FRMD4B: variants seen among roughly 807,000 people sequenced by gnomAD.
The protein encoded by FRMD4B is FERM domain-containing protein 4B.
Under a neutral mutation model 141.5 loss-of-function variants are expected in FRMD4B, and 74 were observed. The observed-to-expected ratio is 0.52, with a 90% confidence interval of 0.43 to 0.63. FRMD4B has a LOEUF of 0.63. Ranked by LOEUF, FRMD4B falls within the 30% of genes least tolerant of loss-of-function variation. The probability of loss-of-function intolerance (pLI) is 0.00; values close to 1 mark genes in which losing one functional copy is unlikely to be tolerated. For synonymous variants in FRMD4B, 506 were observed against 467.9 expected (o/e 1.08, Z -1.05); for missense variants, 1,366 against 1,253.4 (o/e 1.09, Z -1.36).
At chr3:69,242,078 T>G (rs2093388761) in intron 7 of FRMD4B, among the ~76,000 whole-genome samples, 1 of 152,130 alleles carries the variant, frequency 6.6e-6, no homozygotes, top group Non-Finnish European at 1.5e-5. Context: ...AGGGTTGCTG[T>G]GAGGATTAAA....
chr3:69,449,887 G>A (rs534945854), intron 1 of FRMD4B, among the ~76,000 whole-genome samples: 5 of 152,226 alleles, frequency 3.3e-5, no homozygotes, highest in African/African-American at 1.2e-4. Flanking sequence ...TTTTAGTAGG[G>A]CACTATGATA....
intron 1 of FRMD4B, among the ~76,000 whole-genome samples, chr3:69,360,787 T>C (rs550047602): frequency 7.2e-5 from 11 of 152,220 alleles, no homozygotes; most frequent in Non-Finnish European, 1.6e-4. Flanking sequence ...TACTATCTCA[T>C]AGGTCGCCAC....
At chr3:69,242,046 G>C (rs1327613016) in intron 7 of FRMD4B, among the ~76,000 whole-genome samples, 1 of 152,076 alleles carries the variant, frequency 6.6e-6, no homozygotes, top group East Asian at 1.9e-4. Flanking sequence ...CTATAACATG[G>C]GGACAATGAC....
At chr3:69,415,904 G>C (rs1048305352) in intron 2 of FRMD4B, among the ~76,000 whole-genome samples, 1 of 152,158 alleles carries the variant, frequency 6.6e-6, no homozygotes, top group African/African-American at 2.4e-5. Context: ...TTAAGGACCA[G>C]ATAAAAGACA....
chr3:69,510,948 T>A (rs553255115), intron 1 of FRMD4B, among the ~76,000 whole-genome samples: 1 of 152,296 alleles, frequency 6.6e-6, no homozygotes, highest in South Asian at 2.1e-4. Flanking sequence ...ATCTAACCAT[T>A]TTTTCCTTGC....
chr3:69,391,810 C>T (rs1428350908), intron 2 of FRMD4B, among the ~76,000 whole-genome samples: 1 of 152,136 alleles, frequency 6.6e-6, no homozygotes, highest in Non-Finnish European at 1.5e-5. Flanking sequence ...CAGGAGTATC[C>T]CATGCACTGG....
At position 69,400,918 on chromosome 3, in the gene FRMD4B, G is replaced by A. The variant is rs148328526; in HGVS notation, c.-1+31716C>T. The stretch of plus-strand genomic sequence containing the variant: ...TGCCTTGTGGATTTGTTCCCTGTTC[G>A]TATTTCTAAAATAGAATACTTAAGT... On this transcript the variant is annotated intron_variant, in intron 2 of 5. Transcript: ENST00000459638. 1.5e-3 allele frequency among the ~76,000 whole-genome samples: 235 copies of A among 152,222 alleles called. 2 individuals carry two copies. In the East Asian group the frequency reaches 0.03, roughly 20 times the overall value.
intron 11 of FRMD4B, among the ~76,000 whole-genome samples, chr3:69,212,526 A>C (rs1045471668): frequency 5.3e-5 from 8 of 152,128 alleles, no homozygotes; most frequent in Non-Finnish European, 5.9e-5. Flanking sequence ...ACCCTTTTCT[A>C]GACTCTGGAA....
intron 2 of FRMD4B, among the ~76,000 whole-genome samples, chr3:69,406,740 T>A (rs1489504091): frequency 6.8e-6 from 1 of 146,282 alleles, no homozygotes; most frequent in South Asian, 2.2e-4. Context: ...TTTGTTTTTG[T>A]TTTTTTTTTA....
intron 1 of FRMD4B, among the ~76,000 whole-genome samples, chr3:69,437,223 C>A (rs529613837): frequency 4.6e-5 from 7 of 152,066 alleles, no homozygotes; most frequent in African/African-American, 1.7e-4. Flanking sequence ...CAGGCACGCG[C>A]CACCATGCCC....
intron 9 of FRMD4B, among the ~76,000 whole-genome samples, chr3:69,220,491 G>T (rs1360546249): frequency 2.6e-5 from 4 of 152,104 alleles, no homozygotes; most frequent in African/African-American, 9.7e-5. Context: ...AAATGTCAAG[G>T]ATCCAATTTC....
chr3:69,380,578 G>A (rs868747483), intron 1 of FRMD4B, among the ~76,000 whole-genome samples: 56 of 152,278 alleles, frequency 3.7e-4, no homozygotes, highest in African/African-American at 1.3e-3. Context: ...TCTTACCCAG[G>A]AGGAAATGAA....
chr3:69,287,016 G>C (rs1700710970), intron 5 of FRMD4B, among the ~76,000 whole-genome samples: 1 of 152,138 alleles, frequency 6.6e-6, no homozygotes, highest in Non-Finnish European at 1.5e-5. Context: ...TGTTGGCCAG[G>C]CTGGTCTCGA....
intron 7 of FRMD4B, among the ~76,000 whole-genome samples, chr3:69,233,750 C>T (rs2093326946): frequency 6.6e-6 from 1 of 152,158 alleles, no homozygotes; most frequent in African/African-American, 2.4e-5. Context: ...CTATTTAGTA[C>T]TGTGTCCCAG....
At chr3:69,436,623 T>C (rs753905846) in intron 1 of FRMD4B, among the ~76,000 whole-genome samples, 10 of 152,202 alleles carry the variant, frequency 6.6e-5, no homozygotes, top group Non-Finnish European at 1.3e-4. Flanking sequence ...AGGAGGGCCT[T>C]GAACAGATAT....
At chr3:69,442,511 A>G (rs531854482) in intron 1 of FRMD4B, among the ~76,000 whole-genome samples, 104 of 152,176 alleles carry the variant, frequency 6.8e-4, no homozygotes, top group Non-Finnish European at 1.3e-3. Context: ...ATTTTCAACA[A>G]GCACTCTAGA....
chr3:69,503,534 G>A (rs1706538296), intron 1 of FRMD4B, among the ~76,000 whole-genome samples: 1 of 109,474 alleles, frequency 9.1e-6, no homozygotes, highest in Non-Finnish European at 1.7e-5. Context: ...GTGGCCTGTT[G>A]TGGGGTGGGG....
At chr3:69,431,736 G>A (rs928240683) in intron 2 of FRMD4B, among the ~76,000 whole-genome samples, 3 of 152,200 alleles carry the variant, frequency 2.0e-5, no homozygotes, top group South Asian at 2.1e-4. Context: ...CAGAGTCGAC[G>A]TCCTTGACTG....
rs1648688283 is a variant in FRMD4B, at chr3:69,170,205, T to A, written c.*1656A>T. On this transcript the variant is annotated 3_prime_UTR_variant, in exon 23 of 23. Transcript: ENST00000398540. ...CCTTGCCCAATATGATTACTTGAAG[T>A]AGAGCACTGCGACCTGCTTCACATG... 6.6e-6 allele frequency: 1 copy of A among 152,226 alleles called. No homozygotes were observed. 9.4% of individuals were successfully genotyped at this position (152,226 alleles called of 1,614,324 possible). A position where few individuals can be genotyped will look rare whatever the true frequency, so the allele number is the denominator to read the frequency against.
Sources: gnomAD v4.1 joint callset for allele counts (sites outside exome capture counted in the v4.1 genomes callset) on GRCh38, gnomAD v4.1.1 for gene constraint, MANE v1.5 for transcripts, NCBI Gene and HGNC (gene_info 2026-07-23, HGNC 2026-07-21) for gene names.